Variants in PPM1E observed in about 807,000 individuals in gnomAD.
PPM1E encodes protein phosphatase 1E.
In PPM1E, 20 loss-of-function variants were observed where a neutral mutation model predicts 65.9. The observed-to-expected ratio is 0.30, with a 90% CI of 0.21 to 0.44. The LOEUF (loss-of-function observed/expected upper bound fraction) is 0.44, where lower values mean the gene tolerates loss of function less well. Among genes scored for constraint, PPM1E ranks in the 20% least tolerant of loss-of-function variants. The probability of loss-of-function intolerance (pLI) is 1.00; values close to 1 mark genes in which losing one functional copy is unlikely to be tolerated. For missense variants in PPM1E, 713 were observed against 953.1 expected, an observed-to-expected ratio of 0.75 and a Z score of 3.32; for synonymous variants, 352 against 374.9, an observed-to-expected ratio of 0.94 and a Z score of 0.70.
chr17:58,835,163 A>C (rs1216032703), intron 1 of PPM1E, among the ~76,000 whole-genome samples: 1 of 152,152 alleles, frequency 6.6e-6, no homozygotes, highest in Non-Finnish European at 1.5e-5. Context: ...CAACATAGTG[A>C]GACCTCATCT....
chr17:58,768,459 G>A lies in PPM1E; in HGVS notation c.464+11998G>A, dbSNP rs750631715. ...GCTGTTTCTTCTCCAAAGAGCATCC[G>A]CTTCCCTGACTAACTAGAATAAACC... On this transcript the variant is annotated intron_variant, in intron 1 of 6. Coordinates refer to ENST00000308249, the MANE Select transcript of PPM1E (RefSeq NM_014906.5). 4.3e-4 allele frequency among the ~76,000 whole-genome samples: 65 copies of A among 152,094 alleles called. 1 individual carries two copies. The highest frequency in any genetic ancestry group is 6.0e-4 in the Non-Finnish European group (41 of 68,022).
chr17:58,886,058 T>A (rs948147365), intron 1 of PPM1E, among the ~76,000 whole-genome samples: 17 of 152,326 alleles, frequency 1.1e-4, no homozygotes, highest in African/African-American at 4.1e-4. Flanking sequence ...TATAGCTTCC[T>A]CCACTATAAC....
intron 1 of PPM1E, among the ~76,000 whole-genome samples, chr17:58,832,860 C>A (rs1372152507): frequency 1.3e-5 from 2 of 152,030 alleles, no homozygotes; most frequent in Admixed American, 1.3e-4. Flanking sequence ...TGTTACCAGG[C>A]TGGAGTGCAG....
Position 58,776,992 on chromosome 17 carries a change from G to C in PPM1E, c.464+20531G>C, listed in dbSNP as rs565882001. Among the ~76,000 whole-genome samples, 290 of 152,228 alleles carry C rather than the reference G, an allele frequency of 1.9e-3. 2 individuals carry two copies. The highest frequency in any genetic ancestry group is 3.2e-3 in the Non-Finnish European group (217 of 68,010). ...TCATGACTGTAATCCCAACACTTTGGAGGATGAAGCAGGAAGATTGCTTGA... is the reference window on the plus strand; with the variant it reads ...TCATGACTGTAATCCCAACACTTTGCAGGATGAAGCAGGAAGATTGCTTGA... On this transcript the variant is annotated intron_variant, in intron 1 of 6. Coordinates refer to ENST00000308249, the MANE Select transcript of PPM1E (RefSeq NM_014906.5).
chr17:58,927,196 G>C (rs1281597237), intron 1 of PPM1E, among the ~76,000 whole-genome samples: 1 of 144,634 alleles, frequency 6.9e-6, no homozygotes, highest in Non-Finnish European at 1.5e-5. Context: ...GCTCGGTCTC[G>C]GCTCACTGCA....
chr17:58,885,194 T>C (rs1228322411), intron 1 of PPM1E, among the ~76,000 whole-genome samples: 1 of 152,106 alleles, frequency 6.6e-6, no homozygotes, highest in Non-Finnish European at 1.5e-5. Context: ...GTAGCTGGGA[T>C]TAAAGGCACT....
rs1273511390 is a variant in PPM1E at position 58,852,416 on chromosome 17, A to G, written c.464+95955A>G. On this transcript the variant is annotated intron_variant, in intron 1 of 6. Coordinates refer to ENST00000308249, the MANE Select transcript of PPM1E (RefSeq NM_014906.5). ...GGAACCCTTATTTTACATTTTCAAC[A>G]GTGCACAGGGTTCTGATTTCTCCAC... 3.3e-5 allele frequency among the ~76,000 whole-genome samples: 5 copies of G among 152,070 alleles called. No homozygotes were observed. The East Asian group carries it at 9.6e-4, about 29-fold the overall frequency.
intron 1 of PPM1E, among the ~76,000 whole-genome samples, chr17:58,946,181 A>G (rs1231322468): frequency 1.3e-5 from 2 of 152,164 alleles, no homozygotes; most frequent in African/African-American, 2.4e-5. Flanking sequence ...TAGAAGCTCT[A>G]TGTCAGAAAC....
intron 1 of PPM1E, among the ~76,000 whole-genome samples, chr17:58,780,202 A>T (rs951306806): frequency 2.0e-5 from 3 of 152,076 alleles, no homozygotes; most frequent in Non-Finnish European, 4.4e-5. Context: ...TTTACCTCCA[A>T]CTCCAATAGT....
chr17:58,783,828 C>T (rs1216414072), intron 1 of PPM1E, among the ~76,000 whole-genome samples: 2 of 151,956 alleles, frequency 1.3e-5, no homozygotes, highest in African/African-American at 2.4e-5. Context: ...TTGCATCAGC[C>T]TCCCGAGTAG....
At chr17:58,972,431 A>G (rs1598700041) in intron 5 of PPM1E, among the ~76,000 whole-genome samples, 156 bp downstream of exon 5, 1 of 151,878 alleles carries the variant, frequency 6.6e-6, no homozygotes. Flanking sequence ...GCTCACTGCA[A>G]CCTCCGCCTC....
At chr17:58,877,288 G>A (rs1253894467) in intron 1 of PPM1E, among the ~76,000 whole-genome samples, 4 of 152,136 alleles carry the variant, frequency 2.6e-5, no homozygotes, top group African/African-American at 7.2e-5. Context: ...AAAAGGATAA[G>A]GTTCCCTAAA....
Position 58,965,810 on chromosome 17 carries a change from A to G in PPM1E, c.700A>G (p.Ile234Val). Residue 234 changes from isoleucine (I) to valine (V), a missense_variant, in exon 3 of 7, where the codon ATC becomes GTC. Ile to Val is a conservative substitution (Grantham distance 29, BLOSUM62 3). Around this residue, in one of 6 missense-constraint regions of PPM1E, gnomAD observed 84 missense variants for 113.9 expected, o/e 0.74. Coordinates refer to ENST00000308249, the MANE Select transcript of PPM1E (RefSeq NM_014906.5). ...RRPQLYYETS[I>V]HAIKNMRRKM... is the part of the protein sequence containing the mutation. The stretch of plus-strand genomic sequence containing the variant: ...ACCCCAGCTTTATTATGAGACATCA[A>G]TCCATGCCATCAAAAACATGCGCAG... The G allele has an allele frequency of 6.2e-7, 1 of 1,614,166 alleles. No homozygotes were observed. Among genetic ancestry groups the G allele is most frequent in the Non-Finnish European group, 8.5e-7 (1 of 1,180,018 alleles).
At chr17:58,802,130 C>G (rs151121684) in intron 1 of PPM1E, among the ~76,000 whole-genome samples, 2 of 152,274 alleles carry the variant, frequency 1.3e-5, no homozygotes, top group African/African-American at 4.8e-5. Flanking sequence ...AAAGAGCTTT[C>G]CCCTGTGTTT....
At chr17:58,862,848 T>C (rs2050957358) in intron 1 of PPM1E, among the ~76,000 whole-genome samples, 1 of 152,252 alleles carries the variant, frequency 6.6e-6, no homozygotes, top group South Asian at 2.1e-4. Flanking sequence ...GTCCCTACCA[T>C]AGCCCAGTCT....
chr17:58,965,661 T>A, intron 2 of PPM1E, 33 bp from the exon 3 acceptor site: 1 of 1,601,934 alleles, frequency 6.2e-7, no homozygotes. Flanking sequence ...TTTACAAGGC[T>A]CTTCATTGGG....
At chr17:58,832,493 C>G (rs2050615359) in intron 1 of PPM1E, among the ~76,000 whole-genome samples, 1 of 151,992 alleles carries the variant, frequency 6.6e-6, no homozygotes, top group African/African-American at 2.4e-5. Flanking sequence ...AGAGAGAGAC[C>G]TGAAACATAC....
At chr17:58,809,140 G>GT (rs1399516945) in intron 1 of PPM1E, among the ~76,000 whole-genome samples, 4 of 152,044 alleles carry the variant, frequency 2.6e-5, no homozygotes, top group African/African-American at 9.7e-5. Flanking sequence ...CACTCAGGCT[G>GT]TAAGTGCAGT....
chr17:58,783,543 G>C (rs2050069268), intron 1 of PPM1E, among the ~76,000 whole-genome samples: 1 of 152,156 alleles, frequency 6.6e-6, no homozygotes, highest in Non-Finnish European at 1.5e-5. Context: ...ATGTCCAAAT[G>C]ACAGCAGTAT....
Sources: allele counts gnomAD v4.1 joint callset (sites outside exome capture counted in the v4.1 genomes callset), GRCh38; gene constraint gnomAD v4.1.1; regional missense constraint gnomAD v4.1.1; transcripts MANE v1.5; gene names NCBI Gene and HGNC (gene_info 2026-07-23, HGNC 2026-07-21).